NRG1: variants seen among roughly 807,000 people sequenced by gnomAD.
The protein encoded by NRG1 is neuregulin 1.
NRG1 carries 18 observed loss-of-function variants against 63.8 expected under a neutral mutation model. The observed-to-expected ratio is 0.28, with a 90% CI of 0.19 to 0.42. The LOEUF (loss-of-function observed/expected upper bound fraction) is 0.42. NRG1 is among the 10% of genes least tolerant of loss of function. The pLI is 1.00. For synonymous variants in NRG1, 302 were observed against 301.3 expected (o/e 1.00, Z -0.02); for missense variants, 762 against 814.7 (o/e 0.94, Z 0.79).
intron 1 of NRG1, among the ~76,000 whole-genome samples, chr8:32,489,099 G>C (rs1015020808): frequency 6.6e-6 from 1 of 152,144 alleles, no homozygotes; most frequent in Admixed American, 6.5e-5. Flanking sequence ...TGACTTGGGG[G>C]TGTATATGCT....
chr8:32,565,673 T>C (rs1563660810), intron 1 of NRG1, among the ~76,000 whole-genome samples: 1 of 152,204 alleles, frequency 6.6e-6, no homozygotes, highest in Non-Finnish European at 1.5e-5. Context: ...CCTTCTATGT[T>C]GTATTTTATA....
intron 1 of NRG1, among the ~76,000 whole-genome samples, chr8:32,095,693 G>A (rs962664184): frequency 4.6e-5 from 7 of 152,098 alleles, no homozygotes; most frequent in Non-Finnish European, 7.4e-5. Context: ...CACCAAAACC[G>A]AATGAATTAA....
At chr8:32,473,198 C>A (rs377152655) in intron 1 of NRG1, among the ~76,000 whole-genome samples, 2 of 152,166 alleles carry the variant, frequency 1.3e-5, no homozygotes, top group East Asian at 1.9e-4. Flanking sequence ...TGGATGAATG[C>A]GTGCTGTTAC....
At chr8:32,552,554 TG>T (rs1834357289) in intron 1 of NRG1, among the ~76,000 whole-genome samples, 1 of 152,134 alleles carries the variant, frequency 6.6e-6, no homozygotes, top group Non-Finnish European at 1.5e-5. Context: ...CTGAAGTGCT[TG>T]TAAACATTCT....
intron 1 of NRG1, among the ~76,000 whole-genome samples, chr8:32,354,799 TTAA>T (rs1208307237): frequency 1.3e-4 from 17 of 134,664 alleles, no homozygotes; most frequent in Middle Eastern, 4.0e-3. Context: ...GCTGCTTTTT[TTAA>T]AAAAAAAAAA....
chr8:32,500,016 G>T (rs929222463), intron 1 of NRG1, among the ~76,000 whole-genome samples: 2 of 152,254 alleles, frequency 1.3e-5, no homozygotes, highest in South Asian at 4.1e-4. Context: ...ACAAGGGTGG[G>T]TTATAGTTTT....
intron 1 of NRG1, among the ~76,000 whole-genome samples, chr8:31,920,585 G>A (rs925273908): frequency 5.9e-5 from 9 of 152,080 alleles, no homozygotes; most frequent in Non-Finnish European, 2.9e-5. Context: ...TGGCTCCTGG[G>A]AAGCCTTATG....
At chr8:32,262,059 T>C (rs1850437414) in intron 1 of NRG1, among the ~76,000 whole-genome samples, 1 of 152,164 alleles carries the variant, frequency 6.6e-6, no homozygotes, top group Non-Finnish European at 1.5e-5. Flanking sequence ...TTGTTCTCTA[T>C]CTATAATAAA....
At chr8:32,469,489 C>G (rs1823502516) in intron 1 of NRG1, among the ~76,000 whole-genome samples, 3 of 152,250 alleles carry the variant, frequency 2.0e-5, no homozygotes, top group Admixed American at 6.5e-5. Context: ...TATTAAAACT[C>G]TGATCCCCCA....
At chr8:31,917,636 A>G (rs1255825546) in intron 1 of NRG1, among the ~76,000 whole-genome samples, 7 of 152,096 alleles carry the variant, frequency 4.6e-5, no homozygotes, top group African/African-American at 9.7e-5. Flanking sequence ...AAGTCAGGTA[A>G]CGTGATGCCT....
chr8:32,009,167 A>C (rs1053812691), intron 1 of NRG1, among the ~76,000 whole-genome samples: 43 of 152,080 alleles, frequency 2.8e-4, no homozygotes, highest in African/African-American at 1.0e-3. Context: ...GTTGTATAAT[A>C]TGACCGTATA....
At chr8:32,454,194 T>G (rs1821321054) in intron 1 of NRG1, among the ~76,000 whole-genome samples, 3 of 152,222 alleles carry the variant, frequency 2.0e-5, no homozygotes, top group Admixed American at 2.0e-4. Context: ...TCTGGATCTG[T>G]ATTTTATTGT....
At chr8:31,852,124 A>G (rs1180256594) in intron 1 of NRG1, among the ~76,000 whole-genome samples, 132 of 144,280 alleles carry the variant, frequency 9.1e-4, no homozygotes, top group African/African-American at 2.1e-3. Context: ...GTATATACCC[A>G]GTAATGGGAT....
chr8:31,657,500 A>C (rs1425501779), intron 1 of NRG1, among the ~76,000 whole-genome samples: 1 of 152,160 alleles, frequency 6.6e-6, no homozygotes, highest in Non-Finnish European at 1.5e-5. Context: ...CTAGACTTCC[A>C]GAGATGATAG....
At chr8:32,352,221 C>T (rs1030740061) in intron 1 of NRG1, among the ~76,000 whole-genome samples, 1 of 148,912 alleles carries the variant, frequency 6.7e-6, no homozygotes, top group Non-Finnish European at 1.5e-5. Context: ...AAGTAGAGGC[C>T]CATTTTGGAG....
At chr8:32,005,723 A>T (rs1813674629) in intron 1 of NRG1, among the ~76,000 whole-genome samples, 2 of 151,928 alleles carry the variant, frequency 1.3e-5, no homozygotes, top group African/African-American at 4.8e-5. Flanking sequence ...CAGAAACAAA[A>T]CGTTCAGCGA....
At chr8:32,355,911 G>T (rs749441878) in intron 1 of NRG1, among the ~76,000 whole-genome samples, 1 of 152,162 alleles carries the variant, frequency 6.6e-6, no homozygotes, top group Non-Finnish European at 1.5e-5. Flanking sequence ...GAGGGGACAT[G>T]AACATGTGTC....
intron 1 of NRG1, among the ~76,000 whole-genome samples, chr8:32,288,714 T>G (rs1331124524): frequency 6.6e-6 from 1 of 152,154 alleles, no homozygotes; most frequent in Non-Finnish European, 1.5e-5. Flanking sequence ...GATTCTTCAT[T>G]TCCTTTTGCA....
chr8:32,311,888 C>T (rs1254793019), intron 1 of NRG1, among the ~76,000 whole-genome samples: 1 of 152,200 alleles, frequency 6.6e-6, no homozygotes, highest in East Asian at 1.9e-4. Flanking sequence ...AGTCTCTCCT[C>T]TTGCTCCATT....
Sources: allele counts gnomAD v4.1 joint callset (sites outside exome capture counted in the v4.1 genomes callset), GRCh38; gene constraint gnomAD v4.1.1; transcripts MANE v1.5; gene names NCBI Gene and HGNC (gene_info 2026-07-23, HGNC 2026-07-21).